The following DRC11 variants were observed in gnomAD, a reference collection of about 807,000 sequenced individuals.
DRC11 encodes dynein regulatory complex subunit 11.
At chr2:236,466,299 T>C in the DRC11 span, among the ~76,000 whole-genome samples, 1 of 152,218 alleles carries the variant, frequency 6.6e-6, no homozygotes, top group African/African-American at 2.4e-5. Context: ...GACCTACGCA[T>C]GTGTTCACTT....
the DRC11 span, among the ~76,000 whole-genome samples, chr2:236,416,747 A>ATTTTTT: frequency 1.8e-5 from 1 of 56,066 alleles, no homozygotes; most frequent in Non-Finnish European, 4.1e-5. Context: ...ATATATATAT[A>ATTTTTT]TATATATATA....
At chr2:236,484,664 G>T in the DRC11 span, among the ~76,000 whole-genome samples, 1 of 150,564 alleles carries the variant, frequency 6.6e-6, no homozygotes, top group East Asian at 1.9e-4. Context: ...AGGTGTGTTT[G>T]TCATGAGACA....
chr2:236,437,388 G>A, the DRC11 span, among the ~76,000 whole-genome samples: 1 of 149,834 alleles, frequency 6.7e-6, no homozygotes, highest in South Asian at 2.1e-4. Flanking sequence ...TGTGAATAAT[G>A]CCACAATAAA....
the DRC11 span, among the ~76,000 whole-genome samples, chr2:236,481,814 T>C: frequency 6.6e-6 from 1 of 151,498 alleles, no homozygotes; most frequent in Non-Finnish European, 1.5e-5. Flanking sequence ...TACACTTTAG[T>C]TGAAATCTAT....
At chr2:236,489,477 T>C in the DRC11 span, among the ~76,000 whole-genome samples, 2 of 152,098 alleles carry the variant, frequency 1.3e-5, no homozygotes, top group African/African-American at 2.4e-5. Flanking sequence ...CGGGTGCAGC[T>C]GAGGCCTGTG....
At chr2:236,477,778 C>T in the DRC11 span, among the ~76,000 whole-genome samples, 8 of 151,986 alleles carry the variant, frequency 5.3e-5, no homozygotes, top group Non-Finnish European at 1.0e-4. Context: ...TTGTACATGT[C>T]CAGAAATTTA....
the DRC11 span, among the ~76,000 whole-genome samples, chr2:236,481,023 A>C: frequency 6.6e-6 from 1 of 152,230 alleles, no homozygotes; most frequent in Admixed American, 6.5e-5. Context: ...GGAAGGTCCC[A>C]AAGGGGATAT....
the DRC11 span, among the ~76,000 whole-genome samples, chr2:236,453,143 T>G: frequency 9.8e-5 from 15 of 152,308 alleles, no homozygotes; most frequent in African/African-American, 3.4e-4. This position sits in a 1 kb window ranked among gnomAD's most constrained non-coding sequence, Gnocchi z 4.9. Context: ...GTCATTCCCT[T>G]TTCTAACTCA....
chr2:236,507,233 T>C, the DRC11 span: 25 of 1,613,584 alleles, frequency 1.5e-5, no homozygotes, highest in Admixed American at 3.0e-4. Flanking sequence ...ACTCCATGGC[T>C]GTGGCTGGGA....
chr2:236,409,131 G>T, the DRC11 span: 6 of 375,558 alleles, frequency 1.6e-5, no homozygotes, highest in Non-Finnish European at 2.9e-5. Flanking sequence ...TTTTGAGACA[G>T]AGTCTCCCTC....
chr2:236,399,945 A>T, the DRC11 span, among the ~76,000 whole-genome samples: 1 of 151,802 alleles, frequency 6.6e-6, no homozygotes, highest in Admixed American at 6.6e-5. The surrounding 1 kb of genome is among the most constrained non-coding windows in gnomAD (Gnocchi z 7.0). Flanking sequence ...TTGAACTCCT[A>T]AGCTCAGGCA....
At chr2:236,503,168 C>G in the DRC11 span, among the ~76,000 whole-genome samples, 1 of 152,236 alleles carries the variant, frequency 6.6e-6, no homozygotes, top group South Asian at 2.1e-4. This position sits in a 1 kb window ranked among gnomAD's most constrained non-coding sequence, Gnocchi z 4.9. Context: ...TGTACAATAC[C>G]CTGAAGAGGC....
chr2:236,399,993 A>G, the DRC11 span, among the ~76,000 whole-genome samples: 1 of 152,096 alleles, frequency 6.6e-6, no homozygotes, highest in Non-Finnish European at 1.5e-5. This position sits in a 1 kb window ranked among gnomAD's most constrained non-coding sequence, Gnocchi z 7.0. Flanking sequence ...TTGGGATTAT[A>G]GGCCTGAGCC....
chr2:236,328,865 C>T, the DRC11 span, among the ~76,000 whole-genome samples: 3 of 152,158 alleles, frequency 2.0e-5, no homozygotes, highest in Admixed American at 6.5e-5. The surrounding 1 kb of genome is among the most constrained non-coding windows in gnomAD (Gnocchi z 6.7). Flanking sequence ...GGCAAATTTC[C>T]GGAAACATGG....
chr2:236,398,665 T>G, the DRC11 span, among the ~76,000 whole-genome samples: 1 of 152,134 alleles, frequency 6.6e-6, no homozygotes, highest in Non-Finnish European at 1.5e-5. This position sits in a 1 kb window ranked among gnomAD's most constrained non-coding sequence, Gnocchi z 6.2. Flanking sequence ...GAAATTAAAA[T>G]GCAAATATCT....
At chr2:236,343,891 C>A in the DRC11 span, 1 of 464,882 alleles carries the variant, frequency 2.2e-6, no homozygotes, top group South Asian at 1.7e-5. The surrounding 1 kb of genome is among the most constrained non-coding windows in gnomAD (Gnocchi z 6.6). Flanking sequence ...TCTCTACCTG[C>A]GAAAAGTGAT....
At chr2:236,380,531 G>A in the DRC11 span, 3 of 1,492,956 alleles carry the variant, frequency 2.0e-6, no homozygotes, top group Middle Eastern at 1.7e-4. This position sits in a 1 kb window ranked among gnomAD's most constrained non-coding sequence, Gnocchi z 4.9. Flanking sequence ...CTCTGGGGCT[G>A]CTCACGCGCA....
chr2:236,472,903 A>G, the DRC11 span, among the ~76,000 whole-genome samples: 3 of 152,036 alleles, frequency 2.0e-5, no homozygotes, highest in African/African-American at 7.2e-5. The surrounding 1 kb of genome is among the most constrained non-coding windows in gnomAD (Gnocchi z 4.6). Flanking sequence ...GTTCTCCCTC[A>G]ATGCAGGGGA....
the DRC11 span, among the ~76,000 whole-genome samples, chr2:236,366,089 T>G: frequency 1.3e-5 from 2 of 152,158 alleles, no homozygotes; most frequent in Non-Finnish European, 2.9e-5. Context: ...GATGAAACAG[T>G]GGACACGGTT....
Sources: allele counts gnomAD v4.1 joint callset (sites outside exome capture counted in the v4.1 genomes callset), GRCh38; gene constraint gnomAD v4.1.1; non-coding constraint Gnocchi (gnomAD v3.1); transcripts MANE v1.5; gene names NCBI Gene and HGNC (gene_info 2026-07-23, HGNC 2026-07-21).